EPPK1: variants seen among roughly 807,000 people sequenced by gnomAD.
EPPK1 encodes the protein epiplakin.
For missense variants in EPPK1, 3,823 were observed against 3,673.3 expected, an observed-to-expected ratio of 1.04 and a Z score of -1.05; for synonymous variants, 1,862 against 1,721.2, an observed-to-expected ratio of 1.08 and a Z score of -2.03.
In EPPK1 at chr8:143,872,894, C is replaced by G; in HGVS notation, c.360G>C (p.Thr120=). The G allele has an allele frequency of 6.2e-7, 1 of 1,605,174 alleles. No individual in the cohort carries two copies. Residue 120 remains threonine (T), a synonymous_variant, in exon 2 of 2, where the codon ACG becomes ACC. Transcript: ENST00000615648. The part of the protein sequence containing the change: ...EKLLAAERAT[T]GYPDPYGGEK... ...CACCGCCGTAGGGGTCAGGATAGCCCGTAGTGGCACGCTCAGCGGCCAGCA... is the reference window on the plus strand; with the variant it reads ...CACCGCCGTAGGGGTCAGGATAGCCGGTAGTGGCACGCTCAGCGGCCAGCA...
Position 143,869,920 on chromosome 8 carries a change from G to A in EPPK1, c.3334C>T (p.Leu1112Phe). The A allele has an allele frequency of 6.2e-7, 1 of 1,609,388 alleles. No individual in the cohort carries two copies. Among genetic ancestry groups the A allele is most frequent in the East Asian group, 2.2e-5 (1 of 44,808 alleles). ...GGAGCACTTTCTGGCAGGGGCAGGA[G>A]GTGAAGGCCAGAAGTCTCATCCCTG... ...CPRDETSGLH[L>F]LPLPESAPAL... Residue 1112 changes from leucine (L) to phenylalanine (F), a missense_variant, in exon 2 of 2, where the codon CTC becomes TTC. By Grantham distance (22) the Leu-to-Phe change is conservative. Coordinates refer to ENST00000615648, the MANE Select transcript of EPPK1 (RefSeq NM_031308.4).
chr8:143,857,827 C>T lies in EPPK1; in HGVS notation c.*160G>A. The stretch of plus-strand genomic sequence containing the variant: ...ACCTCGATGGACAAAGGAAAAGTTT[C>T]TGTCACATGACAACTTAAAACGTTT... On this transcript the variant is annotated 3_prime_UTR_variant, in exon 2 of 2. Coordinates refer to ENST00000615648, the MANE Select transcript of EPPK1 (RefSeq NM_031308.4). 1 of 574,486 alleles carries T rather than the reference C, an allele frequency of 1.7e-6. No individual in the cohort carries two copies. The highest frequency in any genetic ancestry group is 2.8e-6 in the Non-Finnish European group (1 of 356,234). The allele number at this position is 574,486 out of a possible 1,614,324, so 35.6% of individuals were successfully genotyped here. A position where few individuals can be genotyped will look rare whatever the true frequency, so the allele number is the denominator to read the frequency against.
intron 1 of EPPK1, among the ~76,000 whole-genome samples, chr8:143,878,030 G>A (rs1288052381): frequency 2.0e-5 from 3 of 152,100 alleles, no homozygotes; most frequent in African/African-American, 7.2e-5. Context: ...TGTCGGCCTA[G>A]CTGCCTCCTG....
intron 1 of EPPK1, among the ~76,000 whole-genome samples, chr8:143,875,440 C>T (rs149540936): frequency 1.3e-5 from 2 of 152,348 alleles, no homozygotes; most frequent in East Asian, 3.9e-4. Context: ...GAGCTGGGAC[C>T]AGGAGGGCTC....
At chr8:143,877,355 T>C (rs1284679036) in intron 1 of EPPK1, among the ~76,000 whole-genome samples, 1 of 151,798 alleles carries the variant, frequency 6.6e-6, no homozygotes, top group African/African-American at 2.4e-5. Context: ...CAGCTTCGAG[T>C]GTGGGGGCAT....
In EPPK1 at chr8:143,868,098, G is replaced by A. The variant is rs782618214; in HGVS notation, c.5156C>T (p.Ala1719Val). 5.7e-5 allele frequency: 92 copies of A among 1,613,240 alleles called. No individual in the cohort carries two copies. The highest frequency in any genetic ancestry group is 4.2e-4 in the East Asian group (19 of 44,882). Residue 1719 changes from alanine to valine, a missense_variant, in exon 2 of 2, where the codon GCG becomes GTG. Physicochemically the swap from Ala to Val is moderately conservative, Grantham distance 64. Transcript: ENST00000615648. The stretch of plus-strand genomic sequence containing the variant: ...GCCCTTGGTGTCGTCGCTGGGGTCC[G>A]CCAGGATGCGGTTCATCTCCTCGTC... Reference protein sequence around the residue: ...YFDEEMNRILADPSDDTKGFF... With the variant: ...YFDEEMNRILVDPSDDTKGFF...
At position 143,868,856 on chromosome 8, in the gene EPPK1, G is replaced by C; in HGVS notation, c.4398C>G (p.Ser1466Arg). Residue 1466 changes from serine to arginine, a missense_variant, in exon 2 of 2, where the codon AGC becomes AGG. Coordinates refer to ENST00000615648, the MANE Select transcript of EPPK1 (RefSeq NM_031308.4). ...PVSTGRFKGC[S>R]VSLWDLLLSE... is the part of the protein sequence containing the mutation. ...AGAGCAGCAGGTCCCAGAGTGACAC[G>C]CTACACCCCTTAAACCTCCCTGTGC... 1 of 1,609,210 alleles carries C rather than the reference G, an allele frequency of 6.2e-7. No homozygotes were observed.
Position 143,857,930 on chromosome 8 carries a change from A to C in EPPK1, c.*57T>G. ...AAAAAAAAAAAAAAACAACCCAGAC[A>C]CACAAGTATGCCTCCACTTCTCCAG... On this transcript the variant is annotated 3_prime_UTR_variant, in exon 2 of 2. Coordinates refer to ENST00000615648, the MANE Select transcript of EPPK1 (RefSeq NM_031308.4). 1.1e-6 allele frequency: 1 copy of C among 891,300 alleles called. No homozygotes were observed. Among genetic ancestry groups the C allele is most frequent in the Non-Finnish European group, 1.6e-6 (1 of 622,630 alleles). The allele number at this position is 891,300 out of a possible 1,614,324, so 55.2% of individuals were successfully genotyped here.
chr8:143,869,690 G>A lies in EPPK1; in HGVS notation c.3564C>T (p.Leu1188=), dbSNP rs781786876. 6.3e-7 allele frequency: 1 copy of A among 1,596,010 alleles called. No individual in the cohort carries two copies. The highest frequency in any genetic ancestry group is 1.3e-5 in the African/African-American group (1 of 74,642). The change falls in exon 2 of 2, where the codon CTC becomes CTT. Residue 1188 remains leucine, a synonymous_variant. Transcript: ENST00000615648. Reference sequence around the variant, plus strand: ...GCACCATGACGCGGGCCTGGGCCAGGAGCTTGGTCTCCTGTACCCACCTCT... The same window carrying A: ...GCACCATGACGCGGGCCTGGGCCAGAAGCTTGGTCTCCTGTACCCACCTCT... The part of the protein sequence containing the change: ...SVQRWVQETK[L]LAQARVMVPG...
Position 143,869,534 on chromosome 8 carries a change from GGCCTTCACCGCC to G in EPPK1, c.3708_3719del (p.Ala1237_Ala1240del). ...CCACGCAGCCTGTGCCCCACAGGCAGGCCTTCACCGCCGGCTGCTCGGCGACCTGGGCGGGCG... is the reference window on the plus strand; with the variant it reads ...CCACGCAGCCTGTGCCCCACAGGCAGGGCTGCTCGGCGACCTGGGCGGGCG... On this transcript the variant is annotated inframe_deletion, in exon 2 of 2. Transcript: ENST00000615648. 1 of 1,562,210 alleles carries G rather than the reference GGCCTTCACCGCC, an allele frequency of 6.4e-7. No homozygotes were observed. Among genetic ancestry groups the G allele is most frequent in the Non-Finnish European group, 8.6e-7 (1 of 1,156,824 alleles).
At position 143,870,098 on chromosome 8, in the gene EPPK1, G is replaced by A. The variant is rs782660264; in HGVS notation, c.3156C>T (p.Pro1052=). 2 of 1,610,636 alleles carry A rather than the reference G, an allele frequency of 1.2e-6. No individual in the cohort carries two copies. The highest frequency in any genetic ancestry group is 1.7e-6 in the Non-Finnish European group (2 of 1,178,978). The change falls in exon 2 of 2, where the codon CCC becomes CCT. Residue 1052 remains proline (P), a synonymous_variant. Transcript: ENST00000615648. This position sits in a 1 kb window ranked among gnomAD's most constrained non-coding sequence, Gnocchi z 5.2. The part of the protein sequence containing the change: ...AQVATGGIID[P]TSHHHLPMPV... ...GCATGGGGAGGTGGTGGTGGCTGGT[G>A]GGGTCAATGATCCCTCCTGTGGCCA...
In EPPK1 at chr8:143,866,330, G is replaced by A. The variant is rs1370492498; in HGVS notation, c.6924C>T (p.Thr2308=). The A allele has an allele frequency of 1.6e-5, 7 of 439,020 alleles. No individual in the cohort carries two copies. In the African/African-American group the frequency reaches 2.0e-4, roughly 12 times the overall value. 27.2% of individuals were successfully genotyped at this position (439,020 alleles called of 1,614,324 possible). Residue 2308 remains threonine, a synonymous_variant, in exon 2 of 2, where the codon ACC becomes ACT. Transcript: ENST00000615648. Reference sequence around the variant, plus strand: ...GCCCGGTGTAGGGGTCGGTGTAGCCGGTGACGGCGCGCTCGGCCGACAGCA... The same window carrying A: ...GCCCGGTGTAGGGGTCGGTGTAGCCAGTGACGGCGCGCTCGGCCGACAGCA... The part of the protein sequence containing the change: ...EKLLSAERAV[T]GYTDPYTGQQ...
At position 143,868,294 on chromosome 8, in the gene EPPK1, C is replaced by G. The variant is rs183490670; in HGVS notation, c.4960G>C (p.Asp1654His). The G allele has an allele frequency of 6.2e-7, 1 of 1,613,122 alleles. No homozygotes were observed. The highest frequency in any genetic ancestry group is 1.1e-5 in the South Asian group (1 of 91,084). The change falls in exon 2 of 2, where the codon GAC becomes CAC. Residue 1654 changes from aspartate (D) to histidine (H), a missense_variant. By Grantham distance (81) the Asp-to-His change is moderately conservative. Coordinates refer to ENST00000615648, the MANE Select transcript of EPPK1 (RefSeq NM_031308.4). ...SAERAVTGYTDPYTGQQISLF... is the reference protein window; with the variant it reads ...SAERAVTGYTHPYTGQQISLF... ...GAGATCTGCTGCCCGGTATAGGGGT[C>G]GGTGTAGCCGGTGACGGCGCGCTCG...
At chr8:143,873,605 G>A (rs1175880311) in intron 1 of EPPK1, among the ~76,000 whole-genome samples, 5 of 151,444 alleles carry the variant, frequency 3.3e-5, no homozygotes, top group South Asian at 2.1e-4. Flanking sequence ...ACGCCCTCCC[G>A]CCAGCCCAGG....
In EPPK1 at chr8:143,867,948, A is replaced by T. The variant is rs530627515; in HGVS notation, c.5306T>A (p.Ile1769Asn). The T allele has an allele frequency of 3.6e-5, 58 of 1,613,516 alleles. No individual in the cohort carries two copies. In the Admixed American group the frequency reaches 7.2e-4, roughly 20 times the overall value. The change falls in exon 2 of 2, where the codon ATC becomes AAC. Residue 1769 changes from isoleucine to asparagine, a missense_variant. Physicochemically the swap from Ile to Asn is moderately radical, Grantham distance 149. Transcript: ENST00000615648. The part of the protein sequence containing the change: ...IIKKGENYVY[I>N]NEATRHVLQS... ...CAACACGTGTCTCGTGGCCTCATTG[A>T]TGTACACGTAGTTTTCTCCTTTCTT...
Position 143,871,126 on chromosome 8 carries a change from G to A in EPPK1, c.2128C>T (p.Leu710Phe). The change falls in exon 2 of 2, where the codon CTC becomes TTC. Residue 710 changes from leucine to phenylalanine, a missense_variant. Transcript: ENST00000615648. The part of the protein sequence containing the change: ...ISLFQAMQKG[L>F]IVREHGIRLL... ...CGGATGCCGTGCTCCCGGACGATGA[G>A]GCCCTTCTGCATGGCCTGGAAGAGG... is the stretch of plus-strand genomic sequence containing the variant. 1.9e-6 allele frequency: 3 copies of A among 1,613,230 alleles called. No individual in the cohort carries two copies. The highest frequency in any genetic ancestry group is 2.5e-6 in the Non-Finnish European group (3 of 1,180,018).
Position 143,869,052 on chromosome 8 carries a change from T to G in EPPK1, c.4202A>C (p.Lys1401Thr). 1 of 1,599,486 alleles carries G rather than the reference T, an allele frequency of 6.3e-7. No individual in the cohort carries two copies. Among genetic ancestry groups the G allele is most frequent in the Non-Finnish European group, 8.5e-7 (1 of 1,170,620 alleles). ...QVLTAVDKDNKFFFDPSARDQ... is the reference protein window; with the variant it reads ...QVLTAVDKDNTFFFDPSARDQ... The stretch of plus-strand genomic sequence containing the variant: ...CCGCGCACTGGGGTCAAAGAAGAAC[T>G]TGTTGTCCTTGTCAACTGCAGTCAG... The change falls in exon 2 of 2, where the codon AAG becomes ACG. Residue 1401 changes from lysine (K) to threonine (T), a missense_variant. Coordinates refer to ENST00000615648, the MANE Select transcript of EPPK1 (RefSeq NM_031308.4).
chr8:143,867,104 CAT>C lies in EPPK1; in HGVS notation c.6148_6149del (p.Met2050GlufsTer47), dbSNP rs782535851. 3 of 1,613,034 alleles carry C rather than the reference CAT, an allele frequency of 1.9e-6. No homozygotes were observed. The highest frequency in any genetic ancestry group is 2.5e-6 in the Non-Finnish European group (3 of 1,179,870). ...IYALISDQKH[M>X]RKRFVDPNTQ... ...TGTTCGGGTCCACAAACCGTTTCCTCATGTGCTTCTGGTCGGAAATGAGCGCA... is the reference window on the plus strand; with the variant it reads ...TGTTCGGGTCCACAAACCGTTTCCTCGTGCTTCTGGTCGGAAATGAGCGCA... On this transcript the variant is annotated frameshift_variant, in exon 2 of 2. Coordinates refer to ENST00000615648, the MANE Select transcript of EPPK1 (RefSeq NM_031308.4). LOFTEE classifies it low-confidence loss of function (END_TRUNC).
chr8:143,873,362 C>T (rs538840064), intron 1 of EPPK1, 64 bp from the exon 2 acceptor site: 105 of 1,218,512 alleles, frequency 8.6e-5, no homozygotes, highest in South Asian at 4.2e-4. Context: ...AGGGAAGATG[C>T]GGTCATGGGG....
Sources: gnomAD v4.1 joint callset for allele counts (sites outside exome capture counted in the v4.1 genomes callset) on GRCh38, gnomAD v4.1.1 for gene constraint, Gnocchi (gnomAD v3.1) non-coding constraint, MANE v1.5 for transcripts, NCBI Gene and HGNC (gene_info 2026-07-23, HGNC 2026-07-21) for gene names.